AGA: variants seen among roughly 807,000 people sequenced by gnomAD.
AGA encodes the protein aspartylglucosaminidase, also known as N(4)-(beta-N-acetylglucosaminyl)-L-asparaginase.
AGA carries 31 observed loss-of-function variants against 40.1 expected under a neutral mutation model. That is an observed-to-expected ratio of 0.77 (90% confidence interval 0.58 to 1.04). The LOEUF (loss-of-function observed/expected upper bound fraction) is 1.04, where lower values mean the gene tolerates loss of function less well. Among genes scored for constraint, AGA ranks in the 50% least tolerant of loss-of-function variants. AGA has a pLI of 0.00. For synonymous variants in AGA, 148 were observed against 144.0 expected (o/e 1.03, Z -0.20); for missense variants, 445 against 435.4 (o/e 1.02, Z -0.20).
At chr4:177,436,871 G>A (rs909508624) in intron 5 of AGA, among the ~76,000 whole-genome samples, 10 of 152,214 alleles carry the variant, frequency 6.6e-5, no homozygotes, top group Admixed American at 4.6e-4. Flanking sequence ...CATTATCGCA[G>A]GGAGTGGGTT....
chr4:177,433,177 G>T (rs556957448), intron 8 of AGA, 37 bp downstream of exon 8: 1 of 1,613,314 alleles, frequency 6.2e-7, no homozygotes, highest in Non-Finnish European at 8.5e-7. Context: ...GAAATATTTG[G>T]AAGTTCACAC....
intron 6 of AGA, 58 bp downstream of exon 6, chr4:177,436,218 A>G (rs1736811190): frequency 7.8e-6 from 11 of 1,409,176 alleles, no homozygotes; most frequent in Non-Finnish European, 1.0e-5. Flanking sequence ...AGCACCCGGC[A>G]TATATTGCTC....
chr4:177,434,488 G>T lies in AGA; in HGVS notation c.700C>A (p.Arg234Ser). The T allele has an allele frequency of 6.2e-7, 1 of 1,613,334 alleles. No homozygotes were observed. The highest frequency in any genetic ancestry group is 8.5e-7 in the Non-Finnish European group (1 of 1,179,332). Residue 234 changes from arginine (R) to serine (S), a missense_variant and splice_region_variant, in exon 7 of 9, where the codon CGT becomes AGT. Arg to Ser is a moderately radical substitution (Grantham distance 110). Coordinates refer to ENST00000264595, the MANE Select transcript of AGA (RefSeq NM_000027.4). ...CCAGGTATTGGTGAGTCTCCTACACGGCTTTGAGAGGGTATTAACAATTTA... is the reference window on the plus strand; with the variant it reads ...CCAGGTATTGGTGAGTCTCCTACACTGCTTTGAGAGGGTATTAACAATTTA... The part of the protein sequence containing the change: ...TNGIKFKIHG[R>S]VGDSPIPGAG...
intron 4 of AGA, among the ~76,000 whole-genome samples, chr4:177,438,117 T>C (rs1283085861): frequency 1.3e-5 from 2 of 152,144 alleles, no homozygotes; most frequent in Non-Finnish European, 2.9e-5. Flanking sequence ...TACACATCAG[T>C]GCGCTAGGTG....
At chr4:177,439,516 T>G in intron 3 of AGA, 60 bp downstream of exon 3, 1 of 1,226,412 alleles carries the variant, frequency 8.2e-7, no homozygotes, top group East Asian at 2.3e-5. Context: ...TTTGTACTAT[T>G]TTTCAGTGAA....
intron 6 of AGA, 93 bp from the exon 7 acceptor site, chr4:177,434,582 C>G (rs1313555418): frequency 6.0e-6 from 6 of 995,670 alleles, no homozygotes; most frequent in Non-Finnish European, 9.6e-6. Context: ...TTCCACTTAG[C>G]CTCTGATACC....
intron 4 of AGA, 32 bp downstream of exon 4, chr4:177,438,713 A>G (rs1402856218): frequency 5.0e-6 from 7 of 1,394,416 alleles, no homozygotes; most frequent in Non-Finnish European, 7.1e-6. Context: ...ATTTTCAATT[A>G]ACTTATTTTT....
chr4:177,439,233 T>C (rs1294328547), intron 3 of AGA, among the ~76,000 whole-genome samples: 1 of 151,982 alleles, frequency 6.6e-6, no homozygotes, highest in African/African-American at 2.4e-5. Context: ...ATATAAAAAT[T>C]AGCTGGGCAT....
chr4:177,442,271 G>C lies in AGA; in HGVS notation c.105C>G (p.Pro35=), dbSNP rs199757656. ...SPLPLVVNTW[P]FKNATEAAWR... ...CACCTGCTTCGGTTGCATTCTTAAA[G>C]GGCCAAGTGTTGACGACCAGGGGCA... is the stretch of plus-strand genomic sequence containing the variant. The change falls in exon 1 of 9, where the codon CCC becomes CCG. Residue 35 remains proline (P), a synonymous_variant. Transcript: ENST00000264595. 1.1e-5 allele frequency: 17 copies of C among 1,613,972 alleles called. No individual in the cohort carries two copies. In the African/African-American group the frequency reaches 1.7e-4, roughly 16 times the overall value.
At chr4:177,439,431 A>G (rs190778093) in intron 3 of AGA, 145 bp downstream of exon 3, 1 of 720,826 alleles carries the variant, frequency 1.4e-6, no homozygotes, top group East Asian at 2.6e-5. Flanking sequence ...AGAGATTTAA[A>G]AGTTACTTAT....
intron 6 of AGA, among the ~76,000 whole-genome samples, chr4:177,435,761 A>C (rs570068039): frequency 9.3e-5 from 14 of 150,430 alleles, no homozygotes; most frequent in South Asian, 2.1e-4. Flanking sequence ...ACACACACAC[A>C]CCCACACCAG....
rs1233423494 is a variant in AGA, at chr4:177,439,578, G to A, written c.392C>T (p.Ser131Leu). Residue 131 changes from serine (S) to leucine (L), a missense_variant and splice_region_variant, in exon 3 of 9, where the codon TCA becomes TTA. Transcript: ENST00000264595. Reference sequence around the variant, plus strand: ...TTTCAGTGTAGTTAAAAAAATACCTGACTCTCCTACTAAAAGTGTGTGTGT... The same window carrying A: ...TTTCAGTGTAGTTAAAAAAATACCTAACTCTCCTACTAAAAGTGTGTGTGT... ...HTTHTLLVGE[S>L]ATTFAQSMGF... The A allele has an allele frequency of 6.2e-7, 1 of 1,608,786 alleles. No individual in the cohort carries two copies. The highest frequency in any genetic ancestry group is 2.2e-5 in the East Asian group (1 of 44,838).
rs1736932419 is a variant in AGA, at chr4:177,439,662, C to G, written c.308G>C (p.Gly103Ala). The G allele has an allele frequency of 6.2e-7, 1 of 1,610,396 alleles. No individual in the cohort carries two copies. Among genetic ancestry groups the G allele is most frequent in the Non-Finnish European group, 8.5e-7 (1 of 1,177,538 alleles). Residue 103 changes from glycine (G) to alanine (A), a missense_variant, in exon 3 of 9, where the codon GGA becomes GCA. Gly to Ala is a moderately conservative substitution (Grantham distance 60, BLOSUM62 0). Transcript: ENST00000264595. ...AGCATTTTTAATTCGTCTGAGATCT[C>G]CTACTGCTCCTACATCCATAGTAGT... ...DGTTMDVGAV[G>A]DLRRIKNAIG...
chr4:177,437,456 C>A lies in AGA; in HGVS notation c.571G>T (p.Asp191Tyr). 1 of 1,613,564 alleles carries A rather than the reference C, an allele frequency of 6.2e-7. No individual in the cohort carries two copies. Among genetic ancestry groups the A allele is most frequent in the Non-Finnish European group, 8.5e-7 (1 of 1,179,604 alleles). The change falls in exon 5 of 9, where the codon GAT becomes TAT. Residue 191 changes from aspartate (D) to tyrosine (Y), a missense_variant. Physicochemically the swap from Asp to Tyr is radical, Grantham distance 160 (BLOSUM62 -3). Transcript: ENST00000264595. ...TCTGTTTCTTTATGGATAGGAATATCCTGCTTTAAGATACCAGGTGGTTTG... is the reference window on the plus strand; with the variant it reads ...TCTGTTTCTTTATGGATAGGAATATACTGCTTTAAGATACCAGGTGGTTTG... ...PYKPPGILKQDIPIHKETEDD... is the reference protein window; with the variant it reads ...PYKPPGILKQYIPIHKETEDD...
intron 1 of AGA, among the ~76,000 whole-genome samples, chr4:177,441,962 C>T (rs1737031165): frequency 6.6e-6 from 1 of 152,184 alleles, no homozygotes; most frequent in African/African-American, 2.4e-5. Flanking sequence ...AGCACAAAGG[C>T]CATAACTATG....
chr4:177,440,012 T>A (rs1394377354), intron 2 of AGA: 4 of 586,286 alleles, frequency 6.8e-6, no homozygotes, highest in Non-Finnish European at 1.2e-5. Context: ...GATAAATGAT[T>A]GTTTATAAGG....
rs955424345 is a variant in AGA at position 177,430,875 on chromosome 4, T to C, written c.*833A>G. 2.2e-6 allele frequency: 1 copy of C among 453,834 alleles called. No individual in the cohort carries two copies. Among genetic ancestry groups the C allele is most frequent in the African/African-American group, 2.0e-5 (1 of 49,968 alleles). The allele number at this position is 453,834 out of a possible 1,614,324, so 28.1% of individuals were successfully genotyped here. On this transcript the variant is annotated 3_prime_UTR_variant, in exon 9 of 9. Transcript: ENST00000264595. ...AAGCACGCGCACAACTTCTGTAGAG[T>C]TGTCATACAGAGAGTTAATCAGAAG... is the stretch of plus-strand genomic sequence containing the variant.
chr4:177,433,290 T>C lies in AGA; in HGVS notation c.864A>G (p.Lys288=). Reference sequence around the variant, plus strand: ...AATGCTTCTGGATTCTTGAAATCACTTTTTGGCAAGCTATGGTTGGATCTT... The same window carrying C: ...AATGCTTCTGGATTCTTGAAATCACCTTTTGGCAAGCTATGGTTGGATCTT... The part of the protein sequence containing the change: ...RGEDPTIACQ[K]VISRIQKHFP... The change falls in exon 8 of 9, where the codon AAA becomes AAG. Residue 288 remains lysine, a synonymous_variant. Coordinates refer to ENST00000264595, the MANE Select transcript of AGA (RefSeq NM_000027.4). 1 of 1,614,122 alleles carries C rather than the reference T, an allele frequency of 6.2e-7. No individual in the cohort carries two copies. Among genetic ancestry groups the C allele is most frequent in the Non-Finnish European group, 8.5e-7 (1 of 1,179,982 alleles).
Position 177,436,269 on chromosome 4 carries a change from C to G in AGA, c.698+7G>C, listed in dbSNP as rs2111013250. On this transcript the variant is annotated splice_region_variant and intron_variant, in intron 6 of 8. Transcript: ENST00000264595. ...TTTGAGAGCTCTGTTCTTTTGGAAA[C>G]ACTAACCCATGTATTTTGAATTTTA... The G allele has an allele frequency of 6.2e-7, 1 of 1,606,260 alleles. No homozygotes were observed. The highest frequency in any genetic ancestry group is 2.2e-5 in the East Asian group (1 of 44,826).
Sources: allele counts gnomAD v4.1 joint callset (sites outside exome capture counted in the v4.1 genomes callset), GRCh38; gene constraint gnomAD v4.1.1; transcripts MANE v1.5; gene names NCBI Gene and HGNC (gene_info 2026-07-23, HGNC 2026-07-21).